The following LATS2 variants were observed in gnomAD, a reference collection of about 807,000 sequenced individuals.
LATS2 encodes large tumor suppressor kinase 2, also known as serine/threonine-protein kinase LATS2.
Under a neutral mutation model 76.0 loss-of-function variants are expected in LATS2, and 24 were observed. The ratio of observed to expected loss-of-function variants is 0.32; its 90% confidence interval spans 0.23 to 0.44. The LOEUF (loss-of-function observed/expected upper bound fraction) is 0.44. Among genes scored for constraint, LATS2 ranks in the 20% least tolerant of loss-of-function variants. The probability of loss-of-function intolerance (pLI) is 1.00; values close to 1 mark genes in which losing one functional copy is unlikely to be tolerated. For missense variants in LATS2, 1,286 were observed against 1,481.2 expected (o/e 0.87, Z 2.16); for synonymous variants, 692 against 635.4 (o/e 1.09, Z -1.34).
Position 20,988,173 on chromosome 13 carries a change from A to G in LATS2, c.1607T>C (p.Leu536Pro), listed in dbSNP as rs199547214. The change falls in exon 4 of 8, where the codon CTG becomes CCG. Residue 536 changes from leucine (L) to proline (P), a missense_variant. Leu to Pro is a moderately conservative substitution (Grantham distance 98, BLOSUM62 -3). This residue lies in a region of LATS2 where 710 missense variants were observed against 660.9 expected (regional missense o/e 1.07). Transcript: ENST00000382592. Reference sequence around the variant, plus strand: ...GAGGCTCTGCTCCATGCCTGCGCACAGGCTGTCCAGGTCGTACTGCTCCGA... The same window carrying G: ...GAGGCTCTGCTCCATGCCTGCGCACGGGCTGTCCAGGTCGTACTGCTCCGA... ...SKSEQYDLDS[L>P]CAGMEQSLRA... 1.4e-5 allele frequency: 22 copies of G among 1,613,764 alleles called. No homozygotes were observed. In the African/African-American group the frequency reaches 2.7e-4, roughly 20 times the overall value.
intron 2 of LATS2, among the ~76,000 whole-genome samples, chr13:21,032,145 C>T (rs1003074921): frequency 6.6e-6 from 1 of 152,164 alleles, no homozygotes; most frequent in African/African-American, 2.4e-5. Context: ...GTTGATAATA[C>T]GTTGCAGCAA....
chr13:21,053,203 C>G (rs1873335818), intron 1 of LATS2, among the ~76,000 whole-genome samples: 1 of 145,330 alleles, frequency 6.9e-6, no homozygotes, highest in Admixed American at 7.1e-5. Context: ...CCACTGCACT[C>G]CAGCTTGGCA....
At chr13:21,055,048 G>A (rs951149295) in intron 1 of LATS2, among the ~76,000 whole-genome samples, 3 of 152,184 alleles carry the variant, frequency 2.0e-5, no homozygotes, top group Non-Finnish European at 4.4e-5. Flanking sequence ...AGGATGAAAC[G>A]TTCCTTCAGT....
chr13:21,007,561 A>T (rs536795947), intron 2 of LATS2, among the ~76,000 whole-genome samples: 1 of 17,312 alleles, frequency 5.8e-5, no homozygotes, highest in African/African-American at 7.0e-4. Context: ...ATATATATAT[A>T]TATATATATA....
intron 1 of LATS2, among the ~76,000 whole-genome samples, chr13:21,056,690 C>G (rs1360935581): frequency 6.6e-6 from 1 of 152,206 alleles, no homozygotes; most frequent in Non-Finnish European, 1.5e-5. Context: ...GAACACCCCT[C>G]CCATTTGAGA....
At chr13:21,051,279 C>T (rs147156074) in intron 1 of LATS2, among the ~76,000 whole-genome samples, 1 of 152,266 alleles carries the variant, frequency 6.6e-6, no homozygotes, top group East Asian at 1.9e-4. Flanking sequence ...CCTGAGGATG[C>T]AGAAAGACTG....
intron 5 of LATS2, 59 bp downstream of exon 5, chr13:20,983,165 G>T: frequency 1.7e-6 from 2 of 1,178,962 alleles, no homozygotes; most frequent in Non-Finnish European, 2.4e-6. Context: ...TTAGTTGCTT[G>T]CAATGGGGTT....
At chr13:21,055,022 C>T (rs1181369661) in intron 1 of LATS2, among the ~76,000 whole-genome samples, 2 of 152,116 alleles carry the variant, frequency 1.3e-5, no homozygotes, top group African/African-American at 4.8e-5. Flanking sequence ...TGTGTTCTTG[C>T]CTGAGTACTT....
rs1291311813 is a variant in LATS2, at chr13:21,035,563, G to A, written c.342+10122C>T. 3.9e-5 allele frequency among the ~76,000 whole-genome samples: 6 copies of A among 151,914 alleles called. No homozygotes were observed. In the East Asian group the frequency reaches 5.8e-4, roughly 15 times the overall value. ...GCAACAAAAACCATCAATCTAGACT[G>A]TACATGAGTTCCCGCCTAGATCTCT... On this transcript the variant is annotated intron_variant, in intron 2 of 7. Transcript: ENST00000382592.
intron 2 of LATS2, among the ~76,000 whole-genome samples, chr13:20,998,101 C>T (rs140163566): frequency 6.6e-5 from 10 of 152,242 alleles, no homozygotes; most frequent in East Asian, 1.9e-4. Context: ...TTGTAGCTGA[C>T]GCCTGTAATC....
chr13:21,037,023 GGT>G (rs1439953861), intron 2 of LATS2, among the ~76,000 whole-genome samples: 2 of 152,176 alleles, frequency 1.3e-5, no homozygotes, highest in Non-Finnish European at 2.9e-5. Flanking sequence ...TCCATAAGAA[GGT>G]GTGTAGAAGA....
Position 20,988,774 on chromosome 13 carries a change from G to C in LATS2, c.1006C>G (p.Gln336Glu). 1 of 1,588,510 alleles carries C rather than the reference G, an allele frequency of 6.3e-7. No homozygotes were observed. Among genetic ancestry groups the C allele is most frequent in the Non-Finnish European group, 8.5e-7 (1 of 1,173,718 alleles). Reference protein sequence around the residue: ...HQLHVLGSRSQVFASDSPPQS... With the variant: ...HQLHVLGSRSEVFASDSPPQS... ...GGGGGGCTGTCGCTGGCGAACACCT[G>C]GCTGCGGGAGCCCAGCACATGCAGC... The change falls in exon 4 of 8, where the codon CAG becomes GAG. Residue 336 changes from glutamine (Q) to glutamate (E), a missense_variant. Coordinates refer to ENST00000382592, the MANE Select transcript of LATS2 (RefSeq NM_014572.3).
At chr13:21,050,119 C>CATAGATAGATAGATAG (rs576222992) in intron 1 of LATS2, among the ~76,000 whole-genome samples, 6 of 26,780 alleles carry the variant, frequency 2.2e-4, no homozygotes, top group Admixed American at 4.3e-4. Flanking sequence ...GACTCTGTCT[C>CATAGATAGATAGATAG]ATAGACAGAT....
At chr13:20,980,584 AAC>A (rs1341678092) in intron 6 of LATS2, among the ~76,000 whole-genome samples, 1 of 152,224 alleles carries the variant, frequency 6.6e-6, no homozygotes, top group Non-Finnish European at 1.5e-5. Context: ...CAAGTTTGGC[AAC>A]AGAGGCTGCA....
At chr13:21,007,904 T>A (rs941081186) in intron 2 of LATS2, among the ~76,000 whole-genome samples, 2 of 146,628 alleles carry the variant, frequency 1.4e-5, no homozygotes, top group Non-Finnish European at 3.0e-5. Flanking sequence ...GAATTACAGA[T>A]GCGAATCATC....
chr13:20,987,736 T>C (rs113977480), intron 4 of LATS2, 145 bp downstream of exon 4: 16,735 of 878,394 alleles, frequency 0.019, 216 homozygotes, highest in Non-Finnish European at 0.025. Context: ...CTCCAAGTTG[T>C]TGGCCCCAGA....
At chr13:20,984,108 A>C (rs767105444) in intron 4 of LATS2, among the ~76,000 whole-genome samples, 23 of 152,032 alleles carry the variant, frequency 1.5e-4, no homozygotes, top group Non-Finnish European at 3.2e-4. Context: ...TAATTTTTGT[A>C]TTTTTAGTAG....
intron 1 of LATS2, among the ~76,000 whole-genome samples, chr13:21,047,928 G>A (rs958260): frequency 0.047 from 7,065 of 151,824 alleles, 508 homozygotes; most frequent in African/African-American, 0.16. Context: ...TAGAAGATAA[G>A]AGAGAGACTA....
At chr13:21,027,506 T>C (rs758543844) in intron 2 of LATS2, among the ~76,000 whole-genome samples, 1 of 152,244 alleles carries the variant, frequency 6.6e-6, no homozygotes, top group South Asian at 2.1e-4. Context: ...TGAATTTTCA[T>C]GGTACTTGTG....
Sources: allele counts gnomAD v4.1 joint callset (sites outside exome capture counted in the v4.1 genomes callset), GRCh38; gene constraint gnomAD v4.1.1; regional missense constraint gnomAD v4.1.1; transcripts MANE v1.5; gene names NCBI Gene and HGNC (gene_info 2026-07-23, HGNC 2026-07-21).